Variants in MAGI2 observed in about 807,000 individuals in gnomAD.
MAGI2 encodes membrane-associated guanylate kinase, WW and PDZ domain-containing protein 2.
A neutral mutation model predicts 133.3 loss-of-function variants in MAGI2; 35 were observed. That is an observed-to-expected ratio of 0.26 (90% confidence interval 0.20 to 0.35). The LOEUF is 0.35. Among genes scored for constraint, MAGI2 ranks in the 10% least tolerant of loss-of-function variants. The pLI, the probability that MAGI2 is intolerant of heterozygous loss-of-function variation, is 1.00. For synonymous variants in MAGI2, 729 were observed against 710.6 expected (o/e 1.03, Z -0.41); for missense variants, 1,636 against 1,863.4 (o/e 0.88, Z 2.25).
chr7:78,641,776 G>A (rs1347844386), intron 2 of MAGI2, among the ~76,000 whole-genome samples: 3 of 152,124 alleles, frequency 2.0e-5, no homozygotes, highest in Non-Finnish European at 2.9e-5. Context: ...ATCTGTAGAA[G>A]GATCATAGAT....
chr7:79,101,741 GAAA>G (rs1818004672), intron 1 of MAGI2, among the ~76,000 whole-genome samples: 5 of 114,434 alleles, frequency 4.4e-5, no homozygotes, highest in African/African-American at 1.7e-4. Flanking sequence ...AAAAAAAAAA[GAAA>G]AAAGAAAAAG....
At position 78,432,345 on chromosome 7, in the gene MAGI2, G is replaced by A. The variant is rs555766159; in HGVS notation, c.1045+57416C>T. On this transcript the variant is annotated intron_variant, in intron 6 of 21. Coordinates refer to ENST00000354212, the MANE Select transcript of MAGI2 (RefSeq NM_012301.4). ...ATATTTAGATTGAAATAATTGTAAGGCTGTACAATTAAAACATTTTTCAGA... is the reference window on the plus strand; with the variant it reads ...ATATTTAGATTGAAATAATTGTAAGACTGTACAATTAAAACATTTTTCAGA... 3.4e-4 allele frequency among the ~76,000 whole-genome samples: 51 copies of A among 151,990 alleles called. 1 individual carries two copies. The highest frequency in any genetic ancestry group is 3.3e-3 in the Admixed American group (50 of 15,234).
At chr7:78,649,509 TG>T (rs1811318553) in intron 2 of MAGI2, among the ~76,000 whole-genome samples, 1 of 152,158 alleles carries the variant, frequency 6.6e-6, no homozygotes, top group South Asian at 2.1e-4. Context: ...CCAAATCTTA[TG>T]AATATTTTGA....
chr7:78,251,680 T>G (rs1403183776), intron 10 of MAGI2: 2 of 152,186 alleles, frequency 1.3e-5, no homozygotes, highest in African/African-American at 4.8e-5. Flanking sequence ...ATCTGTACAT[T>G]GAAAACTACA....
chr7:79,219,850 C>T (rs1830304229), intron 1 of MAGI2, among the ~76,000 whole-genome samples: 1 of 151,992 alleles, frequency 6.6e-6, no homozygotes, highest in Non-Finnish European at 1.5e-5. Flanking sequence ...GGGATTTTAA[C>T]TCTAAAAATA....
At chr7:78,728,497 T>G (rs1821038206) in intron 2 of MAGI2, among the ~76,000 whole-genome samples, 1 of 150,380 alleles carries the variant, frequency 6.6e-6, no homozygotes, top group Non-Finnish European at 1.5e-5. Context: ...CATCAAAGTT[T>G]GAATTAAAGA....
intron 1 of MAGI2, among the ~76,000 whole-genome samples, chr7:79,036,955 C>A (rs930971878): frequency 4.6e-5 from 7 of 152,148 alleles, no homozygotes; most frequent in Non-Finnish European, 2.9e-5. Context: ...TTAAACAAGA[C>A]GCCTGCCTTT....
chr7:78,881,128 T>C (rs1795808202), intron 2 of MAGI2, among the ~76,000 whole-genome samples: 1 of 152,152 alleles, frequency 6.6e-6, no homozygotes, highest in Non-Finnish European at 1.5e-5. Flanking sequence ...TAGTGGGGGA[T>C]TTCAATACCC....
At chr7:78,093,503 A>G (rs1040702130) in intron 20 of MAGI2, among the ~76,000 whole-genome samples, 1 of 152,136 alleles carries the variant, frequency 6.6e-6, no homozygotes, top group African/African-American at 2.4e-5. Flanking sequence ...TTTTACACCA[A>G]CCTAACATAT....
chr7:79,328,235 G>C (rs950120311), intron 1 of MAGI2, among the ~76,000 whole-genome samples: 1 of 151,988 alleles, frequency 6.6e-6, no homozygotes. Context: ...GTTTTTCATA[G>C]GTTCATATAG....
At chr7:78,033,955 C>T (rs1049107631) in intron 21 of MAGI2, among the ~76,000 whole-genome samples, 4 of 152,128 alleles carry the variant, frequency 2.6e-5, no homozygotes, top group Non-Finnish European at 5.9e-5. Flanking sequence ...TCAATCCCTC[C>T]GTCTTACCTA....
chr7:79,394,103 T>G (rs1399911163), intron 1 of MAGI2, among the ~76,000 whole-genome samples: 1 of 152,154 alleles, frequency 6.6e-6, no homozygotes, highest in Non-Finnish European at 1.5e-5. Flanking sequence ...TGTCTCCCAA[T>G]TCAGGATCCC....
rs1807896867 is a variant in MAGI2 at position 78,017,568 on chromosome 7, C to T, written c.*1747G>A. 6.6e-6 allele frequency: 1 copy of T among 152,554 alleles called. No individual in the cohort carries two copies. Among genetic ancestry groups the T allele is most frequent in the Non-Finnish European group, 1.5e-5 (1 of 68,028 alleles). The allele number at this position is 152,554 out of a possible 1,614,324, so 9.5% of individuals were successfully genotyped here. On this transcript the variant is annotated 3_prime_UTR_variant, in exon 22 of 22. Transcript: ENST00000354212. The stretch of plus-strand genomic sequence containing the variant: ...GGGAGAAAGACTAATTGAGATTAAA[C>T]CAAAAGCATTATAAACTGCTACAAG...
At chr7:79,317,215 G>C (rs1359465403) in intron 1 of MAGI2, among the ~76,000 whole-genome samples, 1 of 151,842 alleles carries the variant, frequency 6.6e-6, no homozygotes, top group African/African-American at 2.4e-5. Flanking sequence ...GTAGAGACGG[G>C]TTTTCACCTT....
At chr7:78,773,417 CA>C (rs1184035162) in intron 2 of MAGI2, among the ~76,000 whole-genome samples, 11 of 152,098 alleles carry the variant, frequency 7.2e-5, no homozygotes, top group African/African-American at 2.4e-4. Context: ...ACTCAAGGAA[CA>C]AACTGAAGTG....
intron 21 of MAGI2, among the ~76,000 whole-genome samples, chr7:78,042,585 A>G (rs2151088146): frequency 6.6e-6 from 1 of 152,324 alleles, no homozygotes; most frequent in Admixed American, 6.5e-5. Context: ...GAAATGCTCT[A>G]AGCCTTGGTT....
chr7:79,283,685 T>C (rs1468026011), intron 1 of MAGI2, among the ~76,000 whole-genome samples: 1 of 152,128 alleles, frequency 6.6e-6, no homozygotes, highest in Non-Finnish European at 1.5e-5. Context: ...AACATATACA[T>C]AAAGAAAGGT....
chr7:78,217,676 G>A (rs1285950492), intron 10 of MAGI2, among the ~76,000 whole-genome samples: 2 of 152,196 alleles, frequency 1.3e-5, no homozygotes, highest in East Asian at 3.8e-4. Context: ...CTGACTCCAG[G>A]TCTAGAGTTC....
At chr7:79,020,045 G>A (rs116999429) in intron 1 of MAGI2, among the ~76,000 whole-genome samples, 4,366 of 152,300 alleles carry the variant, frequency 0.029, 95 homozygotes, top group Non-Finnish European at 0.04. Flanking sequence ...CTAAAGACTT[G>A]TTGAATGGCT....
Sources: allele counts gnomAD v4.1 joint callset (sites outside exome capture counted in the v4.1 genomes callset), GRCh38; gene constraint gnomAD v4.1.1; transcripts MANE v1.5; gene names NCBI Gene and HGNC (gene_info 2026-07-23, HGNC 2026-07-21).